ATP2C2: variants seen among roughly 807,000 people sequenced by gnomAD.
ATP2C2 encodes the protein calcium-transporting ATPase type 2C member 2.
ATP2C2 carries 171 observed loss-of-function variants against 110.8 expected under a neutral mutation model. The observed-to-expected ratio is 1.54, with a 90% CI of 1.36 to 1.75. The LOEUF is 1.75. Ranked by LOEUF, ATP2C2 falls within the 40% of genes most tolerant of loss-of-function variation. The probability of loss-of-function intolerance (pLI) is 0.00; values close to 1 mark genes in which losing one functional copy is unlikely to be tolerated. For synonymous variants in ATP2C2, 804 were observed against 508.4 expected (o/e 1.58, Z -7.82); for missense variants, 1,963 against 1,235.0 (o/e 1.59, Z -8.84).
rs150919570 is a variant in ATP2C2, at chr16:84,444,574, G to A, written c.1402-1755G>A. Among the ~76,000 whole-genome samples, 128 of 152,316 alleles carry A rather than the reference G, an allele frequency of 8.4e-4. 1 individual carries two copies. The highest frequency in any genetic ancestry group is 1.5e-3 in the Non-Finnish European group (99 of 68,024). On this transcript the variant is annotated intron_variant, in intron 15 of 26. Coordinates refer to ENST00000262429, the MANE Select transcript of ATP2C2 (RefSeq NM_014861.4). ...TAATAGTGAATGGAGCTCATTTCCC[G>A]TTTTAAAATAGTGCTGAGTCTGCCC... is the stretch of plus-strand genomic sequence containing the variant.
rs750932659 is a variant in ATP2C2, at chr16:84,415,581, G to A, written c.614G>A (p.Arg205Gln). The change falls in exon 7 of 27, where the codon CGA becomes CAA. Residue 205 changes from arginine to glutamine, a missense_variant. Arg to Gln is a conservative substitution (Grantham distance 43). Transcript: ENST00000262429. ...GGAGACCGGATCCCTGCAGACATCCGACTCACTGAGGTGAGTGGTTCCAAA... is the reference window on the plus strand; with the variant it reads ...GGAGACCGGATCCCTGCAGACATCCAACTCACTGAGGTGAGTGGTTCCAAA... The part of the protein sequence containing the change: ...SIGDRIPADI[R>Q]LTEVTDLLVD... 8 of 1,613,330 alleles carry A rather than the reference G, an allele frequency of 5.0e-6. No homozygotes were observed. Among genetic ancestry groups the A allele is most frequent in the East Asian group, 2.2e-5 (1 of 44,868 alleles).
chr16:84,453,098 C>G (rs1343277735), intron 18 of ATP2C2, 40 bp from the exon 19 acceptor site: 1 of 1,556,582 alleles, frequency 6.4e-7, no homozygotes, highest in African/African-American at 1.4e-5. Flanking sequence ...GGTGGGGACG[C>G]GGGCCTCAGA....
chr16:84,451,786 C>T (rs1910289211), intron 17 of ATP2C2, 135 bp from the exon 18 acceptor site: 5 of 875,850 alleles, frequency 5.7e-6, no homozygotes, highest in Non-Finnish European at 8.8e-6. Flanking sequence ...TGCAGTGAGC[C>T]AACATTACAC....
chr16:84,416,854 C>T (rs1906879371), intron 7 of ATP2C2, among the ~76,000 whole-genome samples: 1 of 152,154 alleles, frequency 6.6e-6, no homozygotes, highest in African/African-American at 2.4e-5. Context: ...GTGGCCAATC[C>T]CCGCCTACAA....
intron 2 of ATP2C2, among the ~76,000 whole-genome samples, chr16:84,401,924 A>G (rs976844626): frequency 6.6e-6 from 1 of 151,746 alleles, no homozygotes; most frequent in Non-Finnish European, 1.5e-5. Context: ...TTTGGGTAGT[A>G]TGGACATTTT....
intron 1 of ATP2C2, among the ~76,000 whole-genome samples, chr16:84,373,486 C>T (rs948394650): frequency 6.9e-6 from 1 of 145,652 alleles, no homozygotes; most frequent in Non-Finnish European, 1.5e-5. Flanking sequence ...GGTGACAGAG[C>T]GAGACTCCAT....
In ATP2C2 at chr16:84,424,970, A is replaced by T. The variant is rs370524346; in HGVS notation, c.920-765A>T. On this transcript the variant is annotated intron_variant, in intron 10 of 26. Transcript: ENST00000262429. ...AGAGCTCCCCTTGCTAATCTATTTC[A>T]TTTGAGTTCATTTGGGTTCTAGCTA... Among the ~76,000 whole-genome samples, 14 of 152,118 alleles carry T rather than the reference A, an allele frequency of 9.2e-5. No individual in the cohort carries two copies. In the East Asian group the frequency reaches 9.6e-4, roughly 10 times the overall value.
At chr16:84,459,614 C>G in intron 23 of ATP2C2, 1 of 1,527,428 alleles carries the variant, frequency 6.5e-7, no homozygotes, top group Non-Finnish European at 8.8e-7. Flanking sequence ...ACTTTCTGCT[C>G]CCTCTGCCTG....
At chr16:84,443,888 T>C (rs929284138) in intron 15 of ATP2C2, among the ~76,000 whole-genome samples, 2 of 152,160 alleles carry the variant, frequency 1.3e-5, no homozygotes, top group African/African-American at 4.8e-5. Context: ...GGAAAGTCAT[T>C]ACAGGCTGAG....
intron 17 of ATP2C2, among the ~76,000 whole-genome samples, chr16:84,451,363 A>G (rs1316054542): frequency 1.3e-5 from 2 of 152,190 alleles, no homozygotes; most frequent in Non-Finnish European, 2.9e-5. Context: ...CAGCCAAACC[A>G]TATCAAGCAG....
At chr16:84,426,884 C>A (rs1485031121) in intron 11 of ATP2C2, among the ~76,000 whole-genome samples, 1 of 152,166 alleles carries the variant, frequency 6.6e-6, no homozygotes, top group Non-Finnish European at 1.5e-5. Context: ...ATAAGTCATC[C>A]CAAGCCCCTG....
chr16:84,428,053 T>G (rs1341279804), intron 11 of ATP2C2, among the ~76,000 whole-genome samples: 1 of 152,200 alleles, frequency 6.6e-6, no homozygotes, highest in Non-Finnish European at 1.5e-5. Context: ...GAGTAAACCA[T>G]TATTGCAAAT....
At chr16:84,397,002 C>T (rs763988359) in intron 1 of ATP2C2, among the ~76,000 whole-genome samples, 2 of 151,806 alleles carry the variant, frequency 1.3e-5, no homozygotes, top group Non-Finnish European at 2.9e-5. Context: ...TTTGCAATCT[C>T]TATTACAGCT....
intron 11 of ATP2C2, among the ~76,000 whole-genome samples, chr16:84,438,817 G>C (rs1908976090): frequency 6.6e-6 from 1 of 152,154 alleles, no homozygotes; most frequent in African/African-American, 2.4e-5. Context: ...GTCTGATTTT[G>C]GGAATTCCTT....
At chr16:84,422,838 T>TC (rs1907474551) in intron 9 of ATP2C2, 141 bp downstream of exon 9, 1 of 992,056 alleles carries the variant, frequency 1.0e-6, no homozygotes, top group South Asian at 2.0e-5. Flanking sequence ...ATTTAATTTT[T>TC]TTTTTTAATA....
At chr16:84,374,568 T>A (rs942059461) in intron 1 of ATP2C2, among the ~76,000 whole-genome samples, 8 of 152,170 alleles carry the variant, frequency 5.3e-5, no homozygotes, top group Admixed American at 1.3e-4. Flanking sequence ...AGCTTTTTTT[T>A]AATAAGGGTA....
In ATP2C2 at chr16:84,405,051, AGAG is replaced by A. The variant is rs1567699110; in HGVS notation, c.211-76_211-74del. The A allele has an allele frequency of 2.5e-6, 3 of 1,221,716 alleles. No homozygotes were observed. The African/African-American group carries it at 4.5e-5, about 18-fold the overall frequency. The allele number at this position is 1,221,716 out of a possible 1,614,324, so 75.7% of individuals were successfully genotyped here. ...CCCATCATGGAAGCCGCTGCCTTTC[AGAG>A]TGGGAGTCTGTACCCTGTTGCCTCA... On this transcript the variant is annotated intron_variant, in intron 2 of 26. Coordinates refer to ENST00000262429, the MANE Select transcript of ATP2C2 (RefSeq NM_014861.4).
At position 84,459,061 on chromosome 16, in the gene ATP2C2, C is replaced by T. The variant is rs1910976131; in HGVS notation, c.2148-59C>T. 4 of 1,580,436 alleles carry T rather than the reference C, an allele frequency of 2.5e-6. No homozygotes were observed. In the South Asian group the frequency reaches 3.3e-5, roughly 13 times the overall value. On this transcript the variant is annotated intron_variant, in intron 21 of 26. Coordinates refer to ENST00000262429, the MANE Select transcript of ATP2C2 (RefSeq NM_014861.4). ...CCACTGCCCCTTGCAGCAACCGATG[C>T]ACTGGTCCAGCCCTCACGCAGGCCC...
chr16:84,454,009 G>C (rs1910562719), intron 20 of ATP2C2, among the ~76,000 whole-genome samples: 1 of 152,132 alleles, frequency 6.6e-6, no homozygotes, highest in South Asian at 2.1e-4. Context: ...CCCGGCTAAT[G>C]TTTGTAATTT....
Sources: gnomAD v4.1 joint callset for allele counts (sites outside exome capture counted in the v4.1 genomes callset) on GRCh38, gnomAD v4.1.1 for gene constraint, MANE v1.5 for transcripts, NCBI Gene and HGNC (gene_info 2026-07-23, HGNC 2026-07-21) for gene names.